KRIT1: variants seen among roughly 807,000 people sequenced by gnomAD.
The protein encoded by KRIT1 is krev interaction trapped protein 1.
Under a neutral mutation model 95.8 loss-of-function variants are expected in KRIT1, and 45 were observed. The observed-to-expected ratio is 0.47, with a 90% CI of 0.37 to 0.60. KRIT1 has a LOEUF of 0.60. KRIT1 is among the 20% of genes least tolerant of loss of function. The pLI, the probability that KRIT1 is intolerant of heterozygous loss-of-function variation, is 0.00. For synonymous variants in KRIT1, 282 were observed against 278.8 expected, an observed-to-expected ratio of 1.01 and a Z score of -0.11; for missense variants, 788 against 877.5, an observed-to-expected ratio of 0.90 and a Z score of 1.29.
chr7:92,221,516 A>T (rs1011897460), intron 14 of KRIT1, among the ~76,000 whole-genome samples: 2 of 152,176 alleles, frequency 1.3e-5, no homozygotes, highest in African/African-American at 4.8e-5. Flanking sequence ...TTATCCACCC[A>T]GGATGTTCTC....
In KRIT1 at chr7:92,237,949, G is replaced by A. The variant is rs545073449; in HGVS notation, c.263-190C>T. Among the ~76,000 whole-genome samples, 38 of 152,230 alleles carry A rather than the reference G, an allele frequency of 2.5e-4. No homozygotes were observed. The South Asian group carries it at 7.9e-3, about 32-fold the overall frequency. On this transcript the variant is annotated intron_variant, in intron 5 of 18. Coordinates refer to ENST00000394505, the MANE Select transcript of KRIT1 (RefSeq NM_194454.3). ...AATCATTCTGTGGACAATCCTTGTA[G>A]ATTTAGGGTCCTGGTCTTGACCCCT...
chr7:92,239,068 G>A (rs1424826933), intron 5 of KRIT1, among the ~76,000 whole-genome samples: 2 of 152,162 alleles, frequency 1.3e-5, no homozygotes, highest in African/African-American at 2.4e-5. Context: ...AGGATATTCA[G>A]GATACAGTAT....
In KRIT1 at chr7:92,213,905, A is replaced by G. The variant is rs766724156; in HGVS notation, c.1805T>C (p.Leu602Pro). The change falls in exon 16 of 19, where the codon CTT (leucine) becomes CCT (proline). Residue 602 changes from leucine to proline, a missense_variant. Leu to Pro is a moderately conservative substitution (Grantham distance 98, BLOSUM62 -3). Transcript: ENST00000394505. The stretch of plus-strand genomic sequence containing the variant: ...TAAACAGCTTACCTTGTATTCATGA[A>G]GTATGCGATTTGTCCAGTGAGGTGC... ...SKAPHWTNRI[L>P]HEYKNLSTSE... 2 of 1,595,098 alleles carry G rather than the reference A, an allele frequency of 1.3e-6. No individual in the cohort carries two copies. Among genetic ancestry groups the G allele is most frequent in the East Asian group, 2.2e-5 (1 of 44,644 alleles).
At chr7:92,207,822 C>T (rs1337454043) in intron 17 of KRIT1, among the ~76,000 whole-genome samples, 5 of 152,168 alleles carry the variant, frequency 3.3e-5, no homozygotes, top group Admixed American at 2.0e-4. Flanking sequence ...TTGCTCACTG[C>T]ACTTCAGCCT....
intron 17 of KRIT1, among the ~76,000 whole-genome samples, chr7:92,202,967 C>A (rs1015095348): frequency 6.6e-6 from 1 of 152,118 alleles, no homozygotes; most frequent in African/African-American, 2.4e-5. Context: ...AAATCAATCA[C>A]CTGAAATTTC....
chr7:92,209,823 G>A (rs1236055421), intron 17 of KRIT1, among the ~76,000 whole-genome samples: 1 of 152,130 alleles, frequency 6.6e-6, no homozygotes, highest in Non-Finnish European at 1.5e-5. Context: ...AGCACTCTGG[G>A]AGGCCGAGGT....
At chr7:92,214,972 T>C (rs1316528807) in intron 14 of KRIT1, among the ~76,000 whole-genome samples, 195 bp from the exon 15 acceptor site, 1 of 152,154 alleles carries the variant, frequency 6.6e-6, no homozygotes, top group African/African-American at 2.4e-5. Context: ...ATAATCGCTG[T>C]TGCAACTAAT....
intron 10 of KRIT1, among the ~76,000 whole-genome samples, chr7:92,234,038 C>A (rs2131636271): frequency 6.6e-6 from 1 of 152,300 alleles, no homozygotes; most frequent in Non-Finnish European, 1.5e-5. Flanking sequence ...TAAAAGGATA[C>A]TTTTATAGCA....
chr7:92,220,601 T>A (rs555472237), intron 14 of KRIT1, among the ~76,000 whole-genome samples: 1 of 152,156 alleles, frequency 6.6e-6, no homozygotes, highest in Non-Finnish European at 1.5e-5. Context: ...TTCACTAACA[T>A]TGTAAGACTG....
Position 92,199,902 on chromosome 7 carries a change from T to G in KRIT1, c.*834A>C, listed in dbSNP as rs984314014. Reference sequence around the variant, plus strand: ...GATGCAAGGAGTTCATGAACTATACTTTGAGAAACACTACTGTATATCAGA... The same window carrying G: ...GATGCAAGGAGTTCATGAACTATACGTTGAGAAACACTACTGTATATCAGA... On this transcript the variant is annotated 3_prime_UTR_variant, in exon 19 of 19. Coordinates refer to ENST00000394505, the MANE Select transcript of KRIT1 (RefSeq NM_194454.3). 11 of 152,234 alleles carry G rather than the reference T, an allele frequency of 7.2e-5. No homozygotes were observed. Among genetic ancestry groups the G allele is most frequent in the Admixed American group, 2.6e-4 (4 of 15,282 alleles). The allele number at this position is 152,234 out of a possible 1,614,324, so 9.4% of individuals were successfully genotyped here. A position where few individuals can be genotyped will look rare whatever the true frequency, so the allele number is the denominator to read the frequency against.
chr7:92,207,160 T>C (rs1190211795), intron 17 of KRIT1, among the ~76,000 whole-genome samples: 1 of 152,074 alleles, frequency 6.6e-6, no homozygotes, highest in African/African-American at 2.4e-5. Context: ...AGCTCAAAGA[T>C]ACCCAAGCAG....
chr7:92,200,917 G>A, intron 18 of KRIT1, 113 bp from the exon 19 acceptor site: 2 of 762,286 alleles, frequency 2.6e-6, no homozygotes, highest in African/African-American at 3.4e-5. Context: ...CTTATCAGGA[G>A]ACAGCTTGTT....
chr7:92,237,798 C>T, intron 5 of KRIT1, 39 bp from the exon 6 acceptor site: 1 of 1,020,338 alleles, frequency 9.8e-7, no homozygotes, highest in African/African-American at 1.6e-5. Context: ...AAAAATAATA[C>T]ACTTTTAAAT....
Position 92,200,648 on chromosome 7 carries a change from G to A in KRIT1, c.*88C>T, listed in dbSNP as rs988348486. The A allele has an allele frequency of 2.8e-5, 25 of 903,472 alleles. No homozygotes were observed. Among genetic ancestry groups the A allele is most frequent in the African/African-American group, 1.3e-4 (8 of 60,770 alleles). 56.0% of individuals were successfully genotyped at this position (903,472 alleles called of 1,614,324 possible). A position where few individuals can be genotyped will look rare whatever the true frequency, so the allele number is the denominator to read the frequency against. ...ATTACAGGGGTGAGCCACCATGCTCGGCCAAAAGTAATATTTTAAGAAATC... is the reference window on the plus strand; with the variant it reads ...ATTACAGGGGTGAGCCACCATGCTCAGCCAAAAGTAATATTTTAAGAAATC... On this transcript the variant is annotated 3_prime_UTR_variant, in exon 19 of 19. Transcript: ENST00000394505.
At chr7:92,225,631 C>T (rs548487931) in intron 12 of KRIT1, 89 bp downstream of exon 12, 37 of 792,560 alleles carry the variant, frequency 4.7e-5, no homozygotes, top group South Asian at 9.8e-5. Context: ...GCCATCTAAT[C>T]GTCTTTCCAC....
At chr7:92,219,092 C>T (rs1794597186) in intron 14 of KRIT1, among the ~76,000 whole-genome samples, 1 of 152,164 alleles carries the variant, frequency 6.6e-6, no homozygotes, top group African/African-American at 2.4e-5. Context: ...CCTCCACCTC[C>T]CGGGTTCATG....
chr7:92,199,028 C>T (rs938758708), downstream of KRIT1: 3 of 152,074 alleles, frequency 2.0e-5, no homozygotes, highest in Non-Finnish European at 4.4e-5. Flanking sequence ...ATTCTGTTTC[C>T]AGCTATGATT....
chr7:92,243,605 CTG>C (rs1563329410), intron 3 of KRIT1, among the ~76,000 whole-genome samples: 1 of 152,112 alleles, frequency 6.6e-6, no homozygotes, highest in African/African-American at 2.4e-5. Flanking sequence ...AAATGTCACT[CTG>C]TAACTTTTAA....
At chr7:92,241,604 G>A (rs1024842459) in intron 4 of KRIT1, among the ~76,000 whole-genome samples, 3 of 152,020 alleles carry the variant, frequency 2.0e-5, no homozygotes, top group Middle Eastern at 3.2e-3. Context: ...TAATAAATAC[G>A]ATTCAACACT....
Sources: allele counts gnomAD v4.1 joint callset (sites outside exome capture counted in the v4.1 genomes callset), GRCh38; gene constraint gnomAD v4.1.1; transcripts MANE v1.5; gene names NCBI Gene and HGNC (gene_info 2026-07-23, HGNC 2026-07-21).